The following ZNF500 variants were observed in gnomAD, a reference collection of about 807,000 sequenced individuals.
ZNF500 encodes zinc finger protein with KRAB and SCAN domains 18.
In ZNF500, 31 loss-of-function variants were observed where a neutral mutation model predicts 30.1. That is an observed-to-expected ratio of 1.03 (90% CI 0.77 to 1.39). The LOEUF is 1.39. Among genes scored for constraint, ZNF500 ranks in the 40% most tolerant of loss-of-function variants. ZNF500 has a pLI of 0.00. For synonymous variants in ZNF500, 392 were observed against 282.0 expected, an observed-to-expected ratio of 1.39 and a Z score of -3.91; for missense variants, 817 against 657.8, an observed-to-expected ratio of 1.24 and a Z score of -2.65.
chr16:4,762,764 C>G lies in ZNF500; in HGVS notation c.415-8G>C. 6.3e-7 allele frequency: 1 copy of G among 1,586,298 alleles called. No homozygotes were observed. Among genetic ancestry groups the G allele is most frequent in the Non-Finnish European group, 8.6e-7 (1 of 1,163,478 alleles). On this transcript the variant is annotated splice_region_variant and splice_polypyrimidine_tract_variant and intron_variant, in intron 2 of 5. Transcript: ENST00000219478. ...AGAAAGCAGCTCTGAGCCCTGCACA[C>G]AGACAGTGATCTCCCCACCAGCTCC...
downstream of ZNF500, chr16:4,746,593 C>G (rs1218320863): frequency 1.3e-6 from 2 of 1,484,520 alleles, no homozygotes; most frequent in Non-Finnish European, 1.8e-6. Flanking sequence ...CTGGTGGATC[C>G]TGATGGGGAG....
chr16:4,751,057 G>C lies in ZNF500; in HGVS notation c.*1319C>G, dbSNP rs1025623872. On this transcript the variant is annotated 3_prime_UTR_variant, in exon 6 of 6. Transcript: ENST00000219478. ...CAGTGACTAGGTGACAAATGCAATG[G>C]AGCATCCCAGGCTGGGATGAAGGCC... 1 of 154,736 alleles carries C rather than the reference G, an allele frequency of 6.5e-6. No homozygotes were observed. Among genetic ancestry groups the C allele is most frequent in the Admixed American group, 6.4e-5 (1 of 15,586 alleles). 9.6% of individuals were successfully genotyped at this position (154,736 alleles called of 1,614,324 possible). A position where few individuals can be genotyped will look rare whatever the true frequency, so the allele number is the denominator to read the frequency against.
intron 5 of ZNF500, among the ~76,000 whole-genome samples, chr16:4,759,101 T>C (rs2082169943): frequency 0.012 from 1 of 82 alleles, no homozygotes; most frequent in East Asian, 0.17. Flanking sequence ...CCCAGCTACT[T>C]TGGGAGGCTG....
At position 4,752,086 on chromosome 16, in the gene ZNF500, T is replaced by C. The variant is rs1252350334; in HGVS notation, c.*290A>G. The C allele has an allele frequency of 1.5e-6, 2 of 1,315,014 alleles. No individual in the cohort carries two copies. The highest frequency in any genetic ancestry group is 6.0e-5 in the East Asian group (2 of 33,202). 81.5% of individuals were successfully genotyped at this position (1,315,014 alleles called of 1,614,324 possible). A position where few individuals can be genotyped will look rare whatever the true frequency, so the allele number is the denominator to read the frequency against. The stretch of plus-strand genomic sequence containing the variant: ...TCAGGAGCCAGCCCCACGAACACCT[T>C]GAGTGTCGGCTTCTGGCCTCCTGAG... On this transcript the variant is annotated 3_prime_UTR_variant, in exon 6 of 6. Coordinates refer to ENST00000219478, the MANE Select transcript of ZNF500 (RefSeq NM_021646.4).
At chr16:4,754,223 T>C (rs1455836202) in intron 5 of ZNF500, among the ~76,000 whole-genome samples, 2 of 152,118 alleles carry the variant, frequency 1.3e-5, no homozygotes, top group Non-Finnish European at 1.5e-5. Flanking sequence ...CCCACTGCCC[T>C]TGGAAATGTC....
At chr16:4,745,714 G>C (rs2082006148), downstream of ZNF500, among the ~76,000 whole-genome samples, 2 of 152,186 alleles carry the variant, frequency 1.3e-5, no homozygotes, top group Admixed American at 1.3e-4. Context: ...ACTTTGGAAG[G>C]CCGAGGCAGG....
chr16:4,747,625 G>A (rs1374855612), downstream of ZNF500: 2 of 1,601,768 alleles, frequency 1.2e-6, no homozygotes, highest in Non-Finnish European at 1.7e-6. Flanking sequence ...AGCAACTATA[G>A]CTGCCTCAGG....
intron 2 of ZNF500, among the ~76,000 whole-genome samples, chr16:4,764,673 T>C (rs1321873999): frequency 1.3e-5 from 2 of 149,342 alleles, no homozygotes; most frequent in Non-Finnish European, 3.0e-5. Context: ...TCCCAGCTGC[T>C]GAGGAGGCTG....
In ZNF500 at chr16:4,765,919, T is replaced by C. The variant is rs771083742; in HGVS notation, c.60A>G (p.Glu20=). 6 of 1,576,224 alleles carry C rather than the reference T, an allele frequency of 3.8e-6. No individual in the cohort carries two copies. The highest frequency in any genetic ancestry group is 1.4e-5 in the African/African-American group (1 of 74,066). ...LPTLEQDLEQ[E]EILIVKVEED... is the part of the protein sequence containing the mutation. ...CCTCCACCTTCACAATCAGGATCTC[T>C]TCCTGTTCCAGGTCCTGCTCCAAGG... is the stretch of plus-strand genomic sequence containing the variant. Residue 20 remains glutamate (E), a synonymous_variant, in exon 2 of 6, where the codon GAA becomes GAG. Coordinates refer to ENST00000219478, the MANE Select transcript of ZNF500 (RefSeq NM_021646.4).
At position 4,765,865 on chromosome 16, in the gene ZNF500, G is replaced by C; in HGVS notation, c.114C>G (p.Ser38=). ...CAGGGCTGGGGTCCTCCGTCTCCACGGAGGGCTCCTCTTCCAAGCAGAAGT... is the reference window on the plus strand; with the variant it reads ...CAGGGCTGGGGTCCTCCGTCTCCACCGAGGGCTCCTCTTCCAAGCAGAAGT... ...EEDFCLEEEP[S]VETEDPSPET... is the part of the protein sequence containing the mutation. Residue 38 remains serine (S), a synonymous_variant, in exon 2 of 6, where the codon TCC becomes TCG. Coordinates refer to ENST00000219478, the MANE Select transcript of ZNF500 (RefSeq NM_021646.4). 2 of 1,613,720 alleles carry C rather than the reference G, an allele frequency of 1.2e-6. No homozygotes were observed. Among genetic ancestry groups the C allele is most frequent in the African/African-American group, 1.3e-5 (1 of 75,038 alleles).
chr16:4,763,009 C>A, intron 2 of ZNF500: 1 of 985,452 alleles, frequency 1.0e-6, no homozygotes, highest in Admixed American at 6.1e-5. Flanking sequence ...CCTTGGTCCT[C>A]CTGATAGACC....
chr16:4,760,769 C>T (rs936081600), intron 4 of ZNF500, among the ~76,000 whole-genome samples, 181 bp from the exon 5 acceptor site: 4 of 152,196 alleles, frequency 2.6e-5, no homozygotes, highest in African/African-American at 9.7e-5. Context: ...GCCCACTGCT[C>T]CCATGTGCCA....
At chr16:4,757,929 T>C (rs1458339316) in intron 5 of ZNF500, among the ~76,000 whole-genome samples, 1 of 147,006 alleles carries the variant, frequency 6.8e-6, no homozygotes, top group Non-Finnish European at 1.5e-5. Context: ...GACACAGAGT[T>C]TCGCTCTTGT....
downstream of ZNF500, among the ~76,000 whole-genome samples, chr16:4,745,952 CAAAAAAAA>C (rs58259917): frequency 8.8e-6 from 1 of 113,512 alleles, no homozygotes; most frequent in African/African-American, 3.4e-5. Flanking sequence ...GACTCTGTCT[CAAAAAAAA>C]AAAAAAAAAG....
rs534824459 is a variant in ZNF500, at chr16:4,765,021, G to A, written c.414+544C>T. Among the ~76,000 whole-genome samples the A allele has an allele frequency of 1.2e-4, 18 of 151,394 alleles. 1 individual carries two copies. In the South Asian group the frequency reaches 3.8e-3, roughly 32 times the overall value. ...TCTCCCACCAAAACCTATGTTTGGG[G>A]CTGGCGTAGTGGCTCATGCCTGTAA... On this transcript the variant is annotated intron_variant, in intron 2 of 5. Transcript: ENST00000219478.
chr16:4,751,399 G>T lies in ZNF500; in HGVS notation c.*977C>A. 1 of 616,478 alleles carries T rather than the reference G, an allele frequency of 1.6e-6. No individual in the cohort carries two copies. The highest frequency in any genetic ancestry group is 2.8e-6 in the Non-Finnish European group (1 of 362,766). The allele number at this position is 616,478 out of a possible 1,614,324, so 38.2% of individuals were successfully genotyped here. Reference sequence around the variant, plus strand: ...GGGCCCCGGCCCTGGGGAGATGTCAGGCCCGTCACATCCCAGGCAACATGT... The same window carrying T: ...GGGCCCCGGCCCTGGGGAGATGTCATGCCCGTCACATCCCAGGCAACATGT... On this transcript the variant is annotated 3_prime_UTR_variant, in exon 6 of 6. Coordinates refer to ENST00000219478, the MANE Select transcript of ZNF500 (RefSeq NM_021646.4).
intron 2 of ZNF500, among the ~76,000 whole-genome samples, chr16:4,763,386 G>C (rs1173661334): frequency 6.8e-6 from 1 of 147,846 alleles, no homozygotes; most frequent in Admixed American, 6.8e-5. Context: ...GCAAAAGAGC[G>C]AGACTCCATC....
At chr16:4,754,050 C>T (rs902672320) in intron 5 of ZNF500, among the ~76,000 whole-genome samples, 25 of 152,218 alleles carry the variant, frequency 1.6e-4, no homozygotes, top group Non-Finnish European at 2.9e-4. Context: ...CTCTGCTCTT[C>T]CTTTGCAGCA....
Position 4,762,724 on chromosome 16 carries a change from G to A in ZNF500, c.447C>T (p.Pro149=). Reference sequence around the variant, plus strand: ...TTAAGAACTGTCCCCCTATCCCGAGGGGCACCTCGTCATCAGAAAGCAGCT... The same window carrying A: ...TTAAGAACTGTCCCCCTATCCCGAGAGGCACCTCGTCATCAGAAAGCAGCT... The part of the protein sequence containing the change: ...GSELLSDDEV[P]LGIGGQFLKH... Residue 149 remains proline, a synonymous_variant, in exon 3 of 6, where the codon CCC becomes CCT. Coordinates refer to ENST00000219478, the MANE Select transcript of ZNF500 (RefSeq NM_021646.4). The A allele has an allele frequency of 6.2e-7, 1 of 1,612,216 alleles. No homozygotes were observed. Among genetic ancestry groups the A allele is most frequent in the Non-Finnish European group, 8.5e-7 (1 of 1,179,002 alleles).
Sources: gnomAD v4.1 joint callset for allele counts (sites outside exome capture counted in the v4.1 genomes callset) on GRCh38, gnomAD v4.1.1 for gene constraint, MANE v1.5 for transcripts, NCBI Gene and HGNC (gene_info 2026-07-23, HGNC 2026-07-21) for gene names.